ME3: variants seen among roughly 807,000 people sequenced by gnomAD.
ME3 encodes the protein malic enzyme 3.
A neutral mutation model predicts 68.9 loss-of-function variants in ME3; 48 were observed. The ratio of observed to expected loss-of-function variants is 0.70; its 90% confidence interval spans 0.55 to 0.89. The LOEUF is 0.89. Among genes scored for constraint, ME3 ranks in the 40% least tolerant of loss-of-function variants. ME3 has a pLI of 0.00. For missense variants in ME3, 675 were observed against 797.4 expected, an observed-to-expected ratio of 0.85 and a Z score of 1.85; for synonymous variants, 320 against 318.8, an observed-to-expected ratio of 1.00 and a Z score of -0.04.
intron 4 of ME3, among the ~76,000 whole-genome samples, chr11:86,516,987 G>A (rs1045939824): frequency 1.3e-5 from 2 of 152,066 alleles, no homozygotes; most frequent in African/African-American, 4.8e-5. Flanking sequence ...AAAATTGCAC[G>A]GAGTACCTGA....
At chr11:86,466,870 C>G (rs1451670175) in intron 7 of ME3, among the ~76,000 whole-genome samples, 2 of 152,164 alleles carry the variant, frequency 1.3e-5, no homozygotes, top group African/African-American at 4.8e-5. Context: ...GGACCTGGCT[C>G]TCCACATTCA....
At chr11:86,467,693 TCACACACA>T (rs368384131) in intron 7 of ME3, among the ~76,000 whole-genome samples, 1 of 143,228 alleles carries the variant, frequency 7.0e-6, no homozygotes, top group African/African-American at 2.7e-5. Context: ...TCTCTCTCTC[TCACACACA>T]CACACACACA....
chr11:86,510,351 A>G (rs1005230169), intron 4 of ME3, among the ~76,000 whole-genome samples: 2 of 150,930 alleles, frequency 1.3e-5, no homozygotes, highest in Admixed American at 1.3e-4. Flanking sequence ...TTGTGACTCC[A>G]TTTTCTTTGA....
chr11:86,527,544 C>A (rs535722423), intron 4 of ME3, among the ~76,000 whole-genome samples: 2 of 152,218 alleles, frequency 1.3e-5, no homozygotes, highest in Admixed American at 6.5e-5. Context: ...AACTCCAAGA[C>A]ACATAATTGT....
At position 86,537,053 on chromosome 11, in the gene ME3, G is replaced by A. The variant is rs568228846; in HGVS notation, c.467+19500C>T. Reference sequence around the variant, plus strand: ...TCGGAAGAACAAAAAACCAAACACCGCATATTCTCACTCATAGGTGGGAAT... The same window carrying A: ...TCGGAAGAACAAAAAACCAAACACCACATATTCTCACTCATAGGTGGGAAT... On this transcript the variant is annotated intron_variant, in intron 4 of 14. Coordinates refer to ENST00000543262, the Ensembl canonical transcript of ME3. Among the ~76,000 whole-genome samples the A allele has an allele frequency of 5.4e-3, 805 of 148,740 alleles. 14 individuals are homozygous for A. The highest frequency in any genetic ancestry group is 0.019 in the African/African-American group (745 of 40,120).
chr11:86,534,172 C>T (rs1458859691), intron 4 of ME3, among the ~76,000 whole-genome samples: 1 of 141,650 alleles, frequency 7.1e-6, no homozygotes, highest in African/African-American at 2.7e-5. Context: ...CTGGAAGTTG[C>T]TCTGGGTGAG....
At chr11:86,476,742 G>A (rs1478603318) in intron 7 of ME3, among the ~76,000 whole-genome samples, 4 of 152,186 alleles carry the variant, frequency 2.6e-5, no homozygotes, top group Admixed American at 1.3e-4. Context: ...TGTGTTGGGG[G>A]TGGGGATGAA....
chr11:86,530,574 C>G (rs1160636199), intron 4 of ME3, among the ~76,000 whole-genome samples: 1 of 152,190 alleles, frequency 6.6e-6, no homozygotes, highest in Non-Finnish European at 1.5e-5. Flanking sequence ...AAGCTGGAGG[C>G]ATCACGCTAC....
chr11:86,611,492 G>A (rs968128062), intron 2 of ME3, among the ~76,000 whole-genome samples: 6 of 150,818 alleles, frequency 4.0e-5, no homozygotes, highest in East Asian at 1.9e-4. Context: ...GTTAATTCGC[G>A]TGATTGTGGT....
chr11:86,621,749 AT>A, intron 2 of ME3, among the ~76,000 whole-genome samples: 1 of 152,162 alleles, frequency 6.6e-6, no homozygotes, highest in Middle Eastern at 3.4e-3. Flanking sequence ...GAGAAATAAC[AT>A]TCAAATCATA....
rs545467085 is a variant in ME3 at position 86,510,360 on chromosome 11, G to A, written c.468-1493C>T. The stretch of plus-strand genomic sequence containing the variant: ...TGGCTTTTGTGACTCCATTTTCTTT[G>A]AGTTTTCCTCCTACTTCTCTGTGGC... On this transcript the variant is annotated intron_variant, in intron 4 of 14. Coordinates refer to ENST00000543262, the Ensembl canonical transcript of ME3. Among the ~76,000 whole-genome samples the A allele has an allele frequency of 3.6e-3, 540 of 152,108 alleles. 5 individuals are homozygous for A. Among genetic ancestry groups the A allele is most frequent in the African/African-American group, 0.013 (526 of 41,480 alleles).
At chr11:86,564,103 G>C (rs1240650793) in intron 2 of ME3, among the ~76,000 whole-genome samples, 1 of 152,034 alleles carries the variant, frequency 6.6e-6, no homozygotes. Context: ...CCATTTACTG[G>C]TATTGTCTCT....
chr11:86,487,513 A>G, intron 6 of ME3, 73 bp from the exon 7 acceptor site: 3 of 1,196,012 alleles, frequency 2.5e-6, no homozygotes, highest in Non-Finnish European at 3.7e-6. Context: ...ACAAGTATCC[A>G]GGATTATTAG....
chr11:86,525,862 CAAAAAAAA>C (rs774590648), intron 4 of ME3, among the ~76,000 whole-genome samples: 1 of 102,642 alleles, frequency 9.7e-6, no homozygotes, highest in Non-Finnish European at 2.1e-5. Context: ...AACTCTGTCT[CAAAAAAAA>C]AAAAAAAAAG....
At chr11:86,457,051 C>T (rs1565803435) in intron 8 of ME3, among the ~76,000 whole-genome samples, 1 of 152,190 alleles carries the variant, frequency 6.6e-6, no homozygotes, top group Non-Finnish European at 1.5e-5. Context: ...CTGTTACCAT[C>T]GATGCCTCCC....
intron 9 of ME3, 104 bp from the exon 10 acceptor site, chr11:86,450,106 A>G (rs888844819): frequency 1.5e-5 from 15 of 998,412 alleles, no homozygotes; most frequent in South Asian, 7.7e-5. Flanking sequence ...CCCCACCTCA[A>G]TGACTCCCAG....
At chr11:86,457,782 A>T (rs1299121625) in intron 8 of ME3, 5 of 1,262,102 alleles carry the variant, frequency 4.0e-6, no homozygotes, top group Non-Finnish European at 5.2e-6. Context: ...AAAGAAAAAG[A>T]AGTTTTTTTT....
At chr11:86,615,721 A>G (rs760705567) in intron 2 of ME3, among the ~76,000 whole-genome samples, 1 of 152,120 alleles carries the variant, frequency 6.6e-6, no homozygotes, top group South Asian at 2.1e-4. Flanking sequence ...TCAACTTCCC[A>G]TACTCAGAAT....
In ME3 at chr11:86,542,061, G is replaced by C. The variant is rs963590312; in HGVS notation, c.467+14492C>G. On this transcript the variant is annotated intron_variant, in intron 4 of 14. Coordinates refer to ENST00000543262, the Ensembl canonical transcript of ME3. ...ACTCTAGCAGACCTGCAGCAGAGGG[G>C]CCTGACTGTTAGAAGGAAAACTAAC... Among the ~76,000 whole-genome samples, 19 of 152,314 alleles carry C rather than the reference G, an allele frequency of 1.2e-4. No homozygotes were observed. In the South Asian group the frequency reaches 3.5e-3, roughly 28 times the overall value.
Sources: allele counts gnomAD v4.1 joint callset (sites outside exome capture counted in the v4.1 genomes callset), GRCh38; gene constraint gnomAD v4.1.1; transcripts MANE v1.5; gene names NCBI Gene and HGNC (gene_info 2026-07-23, HGNC 2026-07-21).